Variants in CNTN1 observed in about 807,000 individuals in gnomAD.
CNTN1 encodes the protein contactin 1, also known as contactin-1.
In CNTN1, 38 loss-of-function variants were observed where a neutral mutation model predicts 126.4. The ratio of observed to expected loss-of-function variants is 0.30; its 90% CI spans 0.23 to 0.39. The LOEUF is 0.39. Among genes scored for constraint, CNTN1 ranks in the 10% least tolerant of loss-of-function variants. The probability of loss-of-function intolerance (pLI) is 1.00; values close to 1 mark genes in which losing one functional copy is unlikely to be tolerated. For synonymous variants in CNTN1, 413 were observed against 422.6 expected (o/e 0.98, Z 0.28); for missense variants, 1,009 against 1,248.4 (o/e 0.81, Z 2.89).
chr12:41,018,029 G>A (rs1446829224), intron 19 of CNTN1, among the ~76,000 whole-genome samples: 1 of 151,678 alleles, frequency 6.6e-6, no homozygotes, highest in Non-Finnish European at 1.5e-5. Context: ...AGGTGAAGTT[G>A]CCGTGAGCCG....
At chr12:40,749,884 G>A (rs1022319693) in intron 1 of CNTN1, among the ~76,000 whole-genome samples, 5 of 151,892 alleles carry the variant, frequency 3.3e-5, no homozygotes, top group African/African-American at 1.2e-4. Context: ...TTAGGGATGA[G>A]GTTTTTCACT....
chr12:40,915,383 A>T (rs912723886), intron 3 of CNTN1, among the ~76,000 whole-genome samples: 2 of 152,140 alleles, frequency 1.3e-5, no homozygotes, highest in African/African-American at 4.8e-5. Context: ...ATGACCCTCC[A>T]TATAATGACA....
rs934935429 is a variant in CNTN1 at position 40,865,819 on chromosome 12, T to C, written c.-76-42538T>C. 2.6e-5 allele frequency among the ~76,000 whole-genome samples: 4 copies of C among 152,070 alleles called. No individual in the cohort carries two copies. In the South Asian group the frequency reaches 8.3e-4, roughly 31 times the overall value. ...ATATTCTGGGTCCCTTGGATTTTCA[T>C]ATTAATTTTAAGATTGGCTTGTCAA... On this transcript the variant is annotated intron_variant, in intron 1 of 23. Transcript: ENST00000551295.
intron 1 of CNTN1, among the ~76,000 whole-genome samples, chr12:40,727,658 C>T (rs1017092746): frequency 1.5e-4 from 23 of 152,058 alleles, no homozygotes; most frequent in African/African-American, 5.6e-4. Context: ...AAAATCAATC[C>T]TATATTAGGC....
chr12:40,920,848 C>T (rs555921983), intron 4 of CNTN1, among the ~76,000 whole-genome samples: 1 of 152,252 alleles, frequency 6.6e-6, no homozygotes, highest in African/African-American at 2.4e-5. Flanking sequence ...GAAACTAGAC[C>T]AGTGAACTTC....
At chr12:41,057,932 G>A (rs1949861358) in intron 23 of CNTN1, among the ~76,000 whole-genome samples, 1 of 151,990 alleles carries the variant, frequency 6.6e-6, no homozygotes. Flanking sequence ...TTACAGGCGA[G>A]GAAGAAAAAG....
intron 1 of CNTN1, among the ~76,000 whole-genome samples, chr12:40,763,549 A>AT (rs1395961359): frequency 6.6e-6 from 1 of 152,164 alleles, no homozygotes; most frequent in African/African-American, 2.4e-5. Context: ...AATGGAAAGA[A>AT]TGTCACTGTG....
chr12:40,766,528 G>A (rs1939103771), intron 1 of CNTN1, among the ~76,000 whole-genome samples: 1 of 152,082 alleles, frequency 6.6e-6, no homozygotes. Context: ...GCTTGGTCCT[G>A]CAAATTTTAG....
chr12:41,025,361 A>G, intron 21 of CNTN1, 25 bp downstream of exon 21: 1 of 1,608,716 alleles, frequency 6.2e-7, no homozygotes, highest in Non-Finnish European at 8.5e-7. Flanking sequence ...TTGTTTTTAG[A>G]CTTGTCAAAA....
intron 15 of CNTN1, chr12:40,971,331 C>T (rs928868178): frequency 1.5e-5 from 14 of 954,632 alleles, no homozygotes; most frequent in Non-Finnish European, 1.9e-5. Context: ...TATTCTTTCA[C>T]CTTACCCATC....
intron 1 of CNTN1, among the ~76,000 whole-genome samples, chr12:40,702,350 A>G (rs1232671234): frequency 1.3e-5 from 2 of 152,192 alleles, no homozygotes; most frequent in Admixed American, 6.5e-5. Context: ...CAAAATATAC[A>G]TATTTATTCT....
At chr12:40,886,552 G>A (rs921935846) in intron 1 of CNTN1, among the ~76,000 whole-genome samples, 2 of 152,118 alleles carry the variant, frequency 1.3e-5, no homozygotes, top group African/African-American at 4.8e-5. Context: ...CTTTTGCTGT[G>A]CAGAAGCTCT....
At chr12:40,986,279 C>G (rs1947952196) in intron 16 of CNTN1, among the ~76,000 whole-genome samples, 1 of 152,106 alleles carries the variant, frequency 6.6e-6, no homozygotes, top group Non-Finnish European at 1.5e-5. Flanking sequence ...TGTCTGATAA[C>G]TTTTTGCTCA....
At chr12:40,772,034 T>C (rs189503853) in intron 1 of CNTN1, among the ~76,000 whole-genome samples, 58 of 152,110 alleles carry the variant, frequency 3.8e-4, no homozygotes, top group Non-Finnish European at 6.6e-4. Context: ...TATGGTCAAG[T>C]AAATTTACTG....
intron 3 of CNTN1, among the ~76,000 whole-genome samples, chr12:40,918,170 G>A (rs1269892127): frequency 1.3e-5 from 2 of 152,118 alleles, no homozygotes; most frequent in Non-Finnish European, 2.9e-5. Flanking sequence ...CATAGCAAGT[G>A]TATTAAGTAC....
intron 17 of CNTN1, among the ~76,000 whole-genome samples, chr12:41,011,290 C>T (rs1370063339): frequency 6.6e-6 from 1 of 152,180 alleles, no homozygotes; most frequent in African/African-American, 2.4e-5. Flanking sequence ...GATTGCTACA[C>T]TTGCAAAGGT....
intron 1 of CNTN1, among the ~76,000 whole-genome samples, chr12:40,695,775 C>T (rs567266113): frequency 1.4e-4 from 21 of 152,304 alleles, no homozygotes; most frequent in African/African-American, 4.3e-4. Context: ...ATTTTTCTAA[C>T]TTTCCTTTCT....
chr12:41,068,598 T>A (rs962772961), intron 23 of CNTN1, among the ~76,000 whole-genome samples: 2 of 152,216 alleles, frequency 1.3e-5, no homozygotes, highest in South Asian at 4.1e-4. Context: ...GGAACATGAA[T>A]GTGCTTTTAA....
chr12:41,028,758 T>C (rs1949084816), intron 22 of CNTN1, among the ~76,000 whole-genome samples: 1 of 152,180 alleles, frequency 6.6e-6, no homozygotes, highest in Admixed American at 6.5e-5. Context: ...AGTTCTCATT[T>C]TGGACTTTTT....
Sources: allele counts gnomAD v4.1 joint callset (sites outside exome capture counted in the v4.1 genomes callset), GRCh38; gene constraint gnomAD v4.1.1; transcripts MANE v1.5; gene names NCBI Gene and HGNC (gene_info 2026-07-23, HGNC 2026-07-21).